CT47B1: variants seen among roughly 807,000 people sequenced by gnomAD.
The protein encoded by CT47B1 is cancer/testis CT47 family, member 13.
A neutral mutation model predicts 12.8 loss-of-function variants in CT47B1; 24 were observed. The ratio of observed to expected loss-of-function variants is 1.87; its 90% confidence interval spans 1.36 to 2.63. The LOEUF (loss-of-function observed/expected upper bound fraction) is 2.63, where lower values mean the gene tolerates loss of function less well. CT47B1 is among the 30% of genes most tolerant of loss of function. CT47B1 has a pLI of 0.00. For missense variants in CT47B1, 523 were observed against 271.3 expected, an observed-to-expected ratio of 1.93 and a Z score of -6.52; for synonymous variants, 228 against 133.3, an observed-to-expected ratio of 1.71 and a Z score of -4.89.
In CT47B1 at chrX:120,875,235, G is replaced by C. The variant is rs768661239; in HGVS notation, c.436C>G (p.Arg146Gly). 3 of 1,211,342 alleles carry C rather than the reference G, an allele frequency of 2.5e-6. No individual in the cohort carries two copies. Among genetic ancestry groups the C allele is most frequent in the Non-Finnish European group, 1.1e-6 (1 of 894,882 alleles). Reference protein sequence around the residue: ...YHNDHIQIANRHLSRLMVGPH... With the variant: ...YHNDHIQIANGHLSRLMVGPH... ...CCCACCATCAGGCGGCTGAGGTGAC[G>C]GTTCGCTATCTGGATGTGGTCGTTG... Residue 146 changes from arginine (R) to glycine (G), a missense_variant, in exon 1 of 3, where the codon CGT becomes GGT. Coordinates refer to ENST00000371311, the MANE Select transcript of CT47B1 (RefSeq NM_001145718.3).
In CT47B1 at chrX:120,875,118, C is replaced by G. The variant is rs746347112; in HGVS notation, c.553G>C (p.Glu185Gln). 9 of 1,208,754 alleles carry G rather than the reference C, an allele frequency of 7.4e-6. No individual in the cohort carries two copies. The African/African-American group carries it at 1.4e-4, about 19-fold the overall frequency. The change falls in exon 1 of 3, where the codon GAG becomes CAG. Residue 185 changes from glutamate to glutamine, a missense_variant. Coordinates refer to ENST00000371311, the MANE Select transcript of CT47B1 (RefSeq NM_001145718.3). ...LGAGAAAPEG[E>Q]GLGLIQEAAS... ...GCCTCCTGGATCAGGCCGAGGCCCT[C>G]GCCTTCTGGGGCTGCAGCCCCTGCA...
rs768829470 is a variant in CT47B1 at position 120,875,500 on chromosome X, G to A, written c.171C>T (p.Pro57=). ...PAAEVVGVAG[P]VEGLGEEEGE... is the part of the protein sequence containing the mutation. ...CCTCCTCCTCCCCGAGGCCTTCCAC[G>A]GGCCCTGCGACTCCGACCACCTCGG... is the stretch of plus-strand genomic sequence containing the variant. Residue 57 remains proline (P), a synonymous_variant, in exon 1 of 3, where the codon CCC becomes CCT. Coordinates refer to ENST00000371311, the MANE Select transcript of CT47B1 (RefSeq NM_001145718.3). The A allele has an allele frequency of 2.1e-5, 25 of 1,197,763 alleles. No individual in the cohort carries two copies. The highest frequency in any genetic ancestry group is 3.2e-4 in the Middle Eastern group (1 of 3,129).
chrX:120,874,600 C>G (rs1023252034), intron 1 of CT47B1, among the ~76,000 whole-genome samples: 1 of 111,215 alleles, frequency 9.0e-6, no homozygotes, highest in African/African-American at 3.3e-5. Flanking sequence ...TCTACCTGGC[C>G]ATTCATCTGC....
At position 120,874,905 on chromosome X, in the gene CT47B1, C is replaced by T; in HGVS notation, c.766G>A (p.Ala256Thr). Residue 256 changes from alanine to threonine, a missense_variant, in exon 1 of 3, where the codon GCC becomes ACC. By Grantham distance (58) the Ala-to-Thr change is moderately conservative. Transcript: ENST00000371311. ...AEEPTSEEAV[A>T]PEEVTKSQPE... The stretch of plus-strand genomic sequence containing the variant: ...CCGCTAGCCCCCTTACCCTCGGGGG[C>T]CACGGCCTCCTCTGAGGTCGGTTCC... 1 of 1,209,401 alleles carries T rather than the reference C, an allele frequency of 8.3e-7. No individual in the cohort carries two copies. The highest frequency in any genetic ancestry group is 1.1e-6 in the Non-Finnish European group (1 of 894,666).
rs772619141 is a variant in CT47B1 at position 120,875,272 on chromosome X, G to A, written c.399C>T (p.Arg133=). Reference sequence around the variant, plus strand: ...GGATGTGGTCGTTGTGATAGAGGCGGCGGAGAAGGGAGTGGACCAGGTACA... The same window carrying A: ...GGATGTGGTCGTTGTGATAGAGGCGACGGAGAAGGGAGTGGACCAGGTACA... ...VFLYLVHSLL[R]RLYHNDHIQI... The change falls in exon 1 of 3, where the codon CGC becomes CGT. Residue 133 remains arginine (R), a synonymous_variant. Coordinates refer to ENST00000371311, the MANE Select transcript of CT47B1 (RefSeq NM_001145718.3). 3.3e-6 allele frequency: 4 copies of A among 1,211,417 alleles called. No individual in the cohort carries two copies. The highest frequency in any genetic ancestry group is 1.1e-6 in the Non-Finnish European group (1 of 894,910).
chrX:120,873,293 G>A (rs1256374596), intron 2 of CT47B1, among the ~76,000 whole-genome samples: 6 of 100,790 alleles, frequency 6.0e-5, no homozygotes, highest in Non-Finnish European at 8.7e-5. Context: ...CCAATTCAGT[G>A]ATAAACACAC....
At position 120,875,071 on chromosome X, in the gene CT47B1, C is replaced by T. The variant is rs753622818; in HGVS notation, c.600G>A (p.Ala200=). The change falls in exon 1 of 3, where the codon GCG becomes GCA. Residue 200 remains alanine, a synonymous_variant. Coordinates refer to ENST00000371311, the MANE Select transcript of CT47B1 (RefSeq NM_001145718.3). ...CTGGCACTGCAGGCTCTGGGACCGA[C>T]GCGGCCTCCTGGACCGACGCAGCCT... is the stretch of plus-strand genomic sequence containing the variant. The part of the protein sequence containing the change: ...IQEAASVQEA[A]SVPEPAVPAD... 119 of 1,207,986 alleles carry T rather than the reference C, an allele frequency of 9.9e-5. No individual in the cohort carries two copies. The highest frequency in any genetic ancestry group is 3.5e-4 in the African/African-American group (20 of 57,302).
rs769703278 is a variant in CT47B1 at position 120,875,196 on chromosome X, C to G, written c.475G>C (p.Val159Leu). The G allele has an allele frequency of 5.0e-6, 6 of 1,210,047 alleles. No homozygotes were observed. Among genetic ancestry groups the G allele is most frequent in the Non-Finnish European group, 6.7e-6 (6 of 894,673 alleles). ...SRLMVGPHAAVPNLWDNPPLL... is the reference protein window; with the variant it reads ...SRLMVGPHAALPNLWDNPPLL... ...GGAGGGTTGTCCCAGAGGTTGGGCACAGCAGCGTGGGGCCCCACCATCAGG... is the reference window on the plus strand; with the variant it reads ...GGAGGGTTGTCCCAGAGGTTGGGCAGAGCAGCGTGGGGCCCCACCATCAGG... The change falls in exon 1 of 3, where the codon GTG becomes CTG. Residue 159 changes from valine (V) to leucine (L), a missense_variant. Val to Leu is a conservative substitution (Grantham distance 32, BLOSUM62 1). Transcript: ENST00000371311.
At position 120,875,189 on chromosome X, in the gene CT47B1, T is replaced by A; in HGVS notation, c.482A>T (p.Asn161Ile). The change falls in exon 1 of 3, where the codon AAC becomes ATC. Residue 161 changes from asparagine (N) to isoleucine (I), a missense_variant. Physicochemically the swap from Asn to Ile is moderately radical, Grantham distance 149. Transcript: ENST00000371311. Reference sequence around the variant, plus strand: ...CAGCAGGGGAGGGTTGTCCCAGAGGTTGGGCACAGCAGCGTGGGGCCCCAC... The same window carrying A: ...CAGCAGGGGAGGGTTGTCCCAGAGGATGGGCACAGCAGCGTGGGGCCCCAC... ...LMVGPHAAVP[N>I]LWDNPPLLLL... 8.3e-7 allele frequency: 1 copy of A among 1,210,486 alleles called. No homozygotes were observed. The highest frequency in any genetic ancestry group is 1.7e-5 in the African/African-American group (1 of 57,773).
chrX:120,873,914 C>A lies in CT47B1; in HGVS notation c.882G>T (p.Lys294Asn). The change falls in exon 2 of 3, where the codon AAG becomes AAT. Residue 294 changes from lysine (K) to asparagine (N), a missense_variant. Coordinates refer to ENST00000371311, the MANE Select transcript of CT47B1 (RefSeq NM_001145718.3). ...EKEKDVENKV[K>N]NSKGT is the part of the protein sequence containing the mutation. Reference sequence around the variant, plus strand: ...GCTGCGTCTAGGTCCCTTTGGAGTTCTTCACCTTGTTTTCCACATCCTTCT... The same window carrying A: ...GCTGCGTCTAGGTCCCTTTGGAGTTATTCACCTTGTTTTCCACATCCTTCT... The A allele has an allele frequency of 1.7e-6, 2 of 1,164,890 alleles. No homozygotes were observed. The highest frequency in any genetic ancestry group is 2.3e-6 in the Non-Finnish European group (2 of 881,209).
chrX:120,874,793 C>A, intron 1 of CT47B1, 103 bp downstream of exon 1: 2 of 1,130,150 alleles, frequency 1.8e-6, no homozygotes, highest in East Asian at 3.0e-5. Context: ...CCCCGACCCC[C>A]CTTCACCACC....
In CT47B1 at chrX:120,874,885, A is replaced by T; in HGVS notation, c.775+11T>A. The T allele has an allele frequency of 8.3e-7, 1 of 1,207,982 alleles. No individual in the cohort carries two copies. The highest frequency in any genetic ancestry group is 3.0e-5 in the East Asian group (1 of 33,795). ...TCCCCGCTTCCCCGCTGCTGCCGCT[A>T]GCCCCCTTACCCTCGGGGGCCACGG... On this transcript the variant is annotated intron_variant, in intron 1 of 2. Transcript: ENST00000371311.
At chrX:120,874,270 C>T (rs928809243) in intron 1 of CT47B1, among the ~76,000 whole-genome samples, 3 of 105,789 alleles carry the variant, frequency 2.8e-5, no homozygotes, top group East Asian at 3.0e-4. Flanking sequence ...CCACCCAAAG[C>T]GGCTGATTAT....
chrX:120,873,923 G>C lies in CT47B1; in HGVS notation c.873C>G (p.Asn291Lys), dbSNP rs1334635692. 2 of 1,167,816 alleles carry C rather than the reference G, an allele frequency of 1.7e-6. No individual in the cohort carries two copies. Among genetic ancestry groups the C allele is most frequent in the Non-Finnish European group, 2.3e-6 (2 of 882,671 alleles). Residue 291 changes from asparagine (N) to lysine (K), a missense_variant, in exon 2 of 3, where the codon AAC becomes AAG. Transcript: ENST00000371311. ...KEQEKEKDVENKVKNSKGT is the reference protein window; with the variant it reads ...KEQEKEKDVEKKVKNSKGT ...AGGTCCCTTTGGAGTTCTTCACCTT[G>C]TTTTCCACATCCTTCTCTTTTTCTT...
chrX:120,875,398 C>T lies in CT47B1; in HGVS notation c.273G>A (p.Thr91=), dbSNP rs1245884832. 14 of 1,208,236 alleles carry T rather than the reference C, an allele frequency of 1.2e-5. 1 individual carries two copies. The highest frequency in any genetic ancestry group is 8.8e-5 in the South Asian group (5 of 56,706). ...AEEDSDIGPA[T]EEEEEEEEGN... is the part of the protein sequence containing the mutation. ...CCTCTTCCTCCTCCTCCTCTTCCTC[C>T]GTCGCGGGCCCGATATCTGAGTCCT... The change falls in exon 1 of 3, where the codon ACG becomes ACA. Residue 91 remains threonine, a synonymous_variant. Transcript: ENST00000371311.
rs374056890 is a variant in CT47B1, at chrX:120,875,253, G to A, written c.418C>T (p.His140Tyr). The change falls in exon 1 of 3, where the codon CAC becomes TAC. Residue 140 changes from histidine to tyrosine, a missense_variant. Physicochemically the swap from His to Tyr is moderately conservative, Grantham distance 83. Transcript: ENST00000371311. ...AGGTGACGGTTCGCTATCTGGATGT[G>A]GTCGTTGTGATAGAGGCGGCGGAGA... ...SLLRRLYHNDHIQIANRHLSR... is the reference protein window; with the variant it reads ...SLLRRLYHNDYIQIANRHLSR... 1.2e-4 allele frequency: 148 copies of A among 1,210,319 alleles called. 1 individual carries two copies. The highest frequency in any genetic ancestry group is 1.4e-4 in the Non-Finnish European group (125 of 894,715).
In CT47B1 at chrX:120,874,778, C is replaced by A; in HGVS notation, c.775+118G>T. 5 of 1,084,643 alleles carry A rather than the reference C, an allele frequency of 4.6e-6. No homozygotes were observed. The South Asian group carries it at 1.1e-4, about 23-fold the overall frequency. The allele number at this position is 1,084,643 out of a possible 1,213,427, so 89.4% of individuals were successfully genotyped here. On this transcript the variant is annotated intron_variant, in intron 1 of 2. Transcript: ENST00000371311. ...GGGCCCCAACACCTGCTTCACCACC[C>A]GAGGCCCCGACCCCCCTTCACCACC...
Position 120,874,876 on chromosome X carries a change from G to A in CT47B1, c.775+20C>T. ...ACACATGGATCCCCGCTTCCCCGCTGCTGCCGCTAGCCCCCTTACCCTCGG... is the reference window on the plus strand; with the variant it reads ...ACACATGGATCCCCGCTTCCCCGCTACTGCCGCTAGCCCCCTTACCCTCGG... On this transcript the variant is annotated intron_variant, in intron 1 of 2. Coordinates refer to ENST00000371311, the MANE Select transcript of CT47B1 (RefSeq NM_001145718.3). 8.3e-7 allele frequency: 1 copy of A among 1,206,463 alleles called. No homozygotes were observed. The highest frequency in any genetic ancestry group is 1.7e-5 in the African/African-American group (1 of 57,642).
At chrX:120,874,743 A>C (rs1923870221) in intron 1 of CT47B1, among the ~76,000 whole-genome samples, 153 bp downstream of exon 1, 1 of 110,924 alleles carries the variant, frequency 9.0e-6, no homozygotes, top group Admixed American at 9.5e-5. Context: ...TTCAGCCTTA[A>C]GTTTCAGGAG....
Sources: gnomAD v4.1 joint callset for allele counts (sites outside exome capture counted in the v4.1 genomes callset) on GRCh38, gnomAD v4.1.1 for gene constraint, MANE v1.5 for transcripts, NCBI Gene and HGNC (gene_info 2026-07-23, HGNC 2026-07-21) for gene names.